PAPPA2: variants seen among roughly 807,000 people sequenced by gnomAD.
The protein encoded by PAPPA2 is pappalysin-2.
PAPPA2 carries 86 observed loss-of-function variants against 176.4 expected under a neutral mutation model. The ratio of observed to expected loss-of-function variants is 0.49; its 90% CI spans 0.41 to 0.58. The LOEUF (loss-of-function observed/expected upper bound fraction) is 0.58, where lower values mean the gene tolerates loss of function less well. Ranked by LOEUF, PAPPA2 falls within the 20% of genes least tolerant of loss-of-function variation. The pLI is 0.00. For missense variants in PAPPA2, 2,073 were observed against 2,256.9 expected, an observed-to-expected ratio of 0.92 and a Z score of 1.65; for synonymous variants, 809 against 852.2, an observed-to-expected ratio of 0.95 and a Z score of 0.88.
intron 17 of PAPPA2, among the ~76,000 whole-genome samples, chr1:176,776,027 C>G (rs1319106877): frequency 6.6e-6 from 1 of 152,156 alleles, no homozygotes; most frequent in Non-Finnish European, 1.5e-5. Flanking sequence ...GGCACAAACT[C>G]TCTTTTAAGA....
chr1:176,797,504 G>A (rs1665498100), intron 20 of PAPPA2, among the ~76,000 whole-genome samples: 1 of 151,990 alleles, frequency 6.6e-6, no homozygotes, highest in South Asian at 2.1e-4. Context: ...TTTAAAATTA[G>A]CCTGATATGA....
At chr1:176,621,033 A>G (rs1471482626) in intron 3 of PAPPA2, among the ~76,000 whole-genome samples, 3 of 152,160 alleles carry the variant, frequency 2.0e-5, no homozygotes, top group Non-Finnish European at 2.9e-5. Context: ...TAGGTGGGCA[A>G]AAGAATGGCT....
At chr1:176,467,183 A>G (rs1330053189) in intron 1 of PAPPA2, among the ~76,000 whole-genome samples, 3 of 152,208 alleles carry the variant, frequency 2.0e-5, no homozygotes, top group Admixed American at 1.3e-4. Flanking sequence ...TTGCAACACA[A>G]TGACATTTGT....
Position 176,771,044 on chromosome 1 carries a change from G to C in PAPPA2, c.4579G>C (p.Ala1527Pro). The change falls in exon 17 of 23, where the codon GCT (alanine) becomes CCT (proline). Residue 1527 changes from alanine to proline, a missense_variant. Physicochemically the swap from Ala to Pro is conservative, Grantham distance 27. Around this residue, in one of 4 missense-constraint regions of PAPPA2, gnomAD observed 846 missense variants for 857.9 expected, o/e 0.99. Coordinates refer to ENST00000367662, the MANE Select transcript of PAPPA2 (RefSeq NM_020318.3). Reference sequence around the variant, plus strand: ...AGTCTACTGCAAGTTGGAGTGTGATGCTCCCCCTATTATTCTGAATGCCAA... The same window carrying C: ...AGTCTACTGCAAGTTGGAGTGTGATCCTCCCCCTATTATTCTGAATGCCAA... ...PEVYCKLECD[A>P]PPIILNANLL... The C allele has an allele frequency of 2.5e-6, 4 of 1,614,092 alleles. No individual in the cohort carries two copies. Among genetic ancestry groups the C allele is most frequent in the Non-Finnish European group, 3.4e-6 (4 of 1,180,002 alleles).
At chr1:176,629,237 T>C (rs1311542559) in intron 3 of PAPPA2, among the ~76,000 whole-genome samples, 1 of 152,228 alleles carries the variant, frequency 6.6e-6, no homozygotes, top group Non-Finnish European at 1.5e-5. Context: ...AATATTGTTT[T>C]CATGATTTCA....
intron 21 of PAPPA2, among the ~76,000 whole-genome samples, chr1:176,834,352 A>G (rs892078587): frequency 5.3e-5 from 8 of 152,242 alleles, no homozygotes; most frequent in African/African-American, 1.9e-4. Flanking sequence ...TACATATTCC[A>G]AGAAGACTTG....
intron 3 of PAPPA2, among the ~76,000 whole-genome samples, chr1:176,609,969 C>T (rs1401503960): frequency 3.3e-5 from 5 of 152,096 alleles, no homozygotes; most frequent in Non-Finnish European, 5.9e-5. Flanking sequence ...AGGTATTTAT[C>T]TCAGCATGGA....
chr1:176,561,303 G>A (rs1300579832), intron 2 of PAPPA2, among the ~76,000 whole-genome samples: 1 of 152,156 alleles, frequency 6.6e-6, no homozygotes, highest in Non-Finnish European at 1.5e-5. Flanking sequence ...GCTTGAACAA[G>A]TCATGTATGT....
chr1:176,759,789 A>G (rs913055121), intron 14 of PAPPA2, among the ~76,000 whole-genome samples: 2 of 152,200 alleles, frequency 1.3e-5, no homozygotes, highest in Non-Finnish European at 1.5e-5. Context: ...GGGGCTGGCC[A>G]CTCTATCTGC....
chr1:176,828,415 G>T (rs1169769140), intron 21 of PAPPA2, among the ~76,000 whole-genome samples: 1 of 151,796 alleles, frequency 6.6e-6, no homozygotes, highest in African/African-American at 2.4e-5. Context: ...ATACCGGAAG[G>T]TTTCAGATAA....
At chr1:176,619,616 G>C (rs1296351588) in intron 3 of PAPPA2, among the ~76,000 whole-genome samples, 1 of 152,132 alleles carries the variant, frequency 6.6e-6, no homozygotes, top group Non-Finnish European at 1.5e-5. Context: ...ACACTGTTCA[G>C]CTTACCACTT....
chr1:176,634,239 T>C (rs1029423876), intron 3 of PAPPA2, among the ~76,000 whole-genome samples: 3 of 152,344 alleles, frequency 2.0e-5, no homozygotes, highest in Non-Finnish European at 2.9e-5. Flanking sequence ...GTGGCACTTA[T>C]ACACCATGGA....
chr1:176,467,810 T>C (rs1651695847), intron 1 of PAPPA2, among the ~76,000 whole-genome samples: 1 of 152,204 alleles, frequency 6.6e-6, no homozygotes. Context: ...ACATAATTGG[T>C]ACTTCACGAA....
In PAPPA2 at chr1:176,608,604, T is replaced by G. The variant is rs565292204; in HGVS notation, c.1991+13009T>G. 2.0e-5 allele frequency among the ~76,000 whole-genome samples: 3 copies of G among 152,296 alleles called. No individual in the cohort carries two copies. The South Asian group carries it at 6.2e-4, about 32-fold the overall frequency. Reference sequence around the variant, plus strand: ...GTGGGCTTTTTAATTTTTAATATTTTTGGTACTCTGTTTTATCGACAGTGC... The same window carrying G: ...GTGGGCTTTTTAATTTTTAATATTTGTGGTACTCTGTTTTATCGACAGTGC... On this transcript the variant is annotated intron_variant, in intron 3 of 22. Transcript: ENST00000367662.
Position 176,472,542 on chromosome 1 carries a change from C to CT in PAPPA2, c.-917+9128dup, listed in dbSNP as rs374074822. ...CCATTTCTTCAAGAATCCCTGGTTT[C>CT]TTTTAATGGGAAATGGTACTTACAA... On this transcript the variant is annotated intron_variant, in intron 1 of 22. Transcript: ENST00000367662. Among the ~76,000 whole-genome samples the CT allele has an allele frequency of 2.7e-3, 414 of 152,224 alleles. 4 individuals carry two copies. The highest frequency in any genetic ancestry group is 9.7e-3 in the African/African-American group (404 of 41,544).
chr1:176,801,103 A>ACG (rs553667371), intron 21 of PAPPA2, among the ~76,000 whole-genome samples: 52 of 124,328 alleles, frequency 4.2e-4, no homozygotes, highest in African/African-American at 1.5e-3. Context: ...ACACACACAC[A>ACG]CGCACACACA....
intron 2 of PAPPA2, among the ~76,000 whole-genome samples, chr1:176,566,452 T>C (rs566315969): frequency 4.8e-4 from 73 of 152,306 alleles, no homozygotes; most frequent in African/African-American, 1.7e-3. Flanking sequence ...CCTTTGCATC[T>C]CAGGGAGACA....
intron 21 of PAPPA2, among the ~76,000 whole-genome samples, chr1:176,810,546 AT>A (rs1294267368): frequency 6.6e-6 from 1 of 152,012 alleles, no homozygotes; most frequent in East Asian, 1.9e-4. Flanking sequence ...GCCACCACAA[AT>A]TTTACAGGAG....
At chr1:176,729,998 C>T (rs1427814187) in intron 12 of PAPPA2, among the ~76,000 whole-genome samples, 1 of 151,646 alleles carries the variant, frequency 6.6e-6, no homozygotes, top group Admixed American at 6.6e-5. Context: ...TTTTTGCCTT[C>T]GTGAAGCAAG....
Sources: allele counts gnomAD v4.1 joint callset (sites outside exome capture counted in the v4.1 genomes callset), GRCh38; gene constraint gnomAD v4.1.1; regional missense constraint gnomAD v4.1.1; transcripts MANE v1.5; gene names NCBI Gene and HGNC (gene_info 2026-07-23, HGNC 2026-07-21).